LRP5: variants seen among roughly 807,000 people sequenced by gnomAD.
The protein encoded by LRP5 is LDL receptor related protein 5.
A neutral mutation model predicts 154.1 loss-of-function variants in LRP5; 62 were observed. The observed-to-expected ratio is 0.40, with a 90% CI of 0.33 to 0.50. The LOEUF is 0.50. Among genes scored for constraint, LRP5 ranks in the 20% least tolerant of loss-of-function variants. LRP5 has a pLI of 0.55. For synonymous variants in LRP5, 966 were observed against 1,011.5 expected, an observed-to-expected ratio of 0.96 and a Z score of 0.85; for missense variants, 1,915 against 2,336.7, an observed-to-expected ratio of 0.82 and a Z score of 3.72.
intron 7 of LRP5, among the ~76,000 whole-genome samples, chr11:68,392,945 G>C (rs976093553): frequency 6.6e-6 from 1 of 152,064 alleles, no homozygotes; most frequent in Non-Finnish European, 1.5e-5. Flanking sequence ...GGCCAGCCTA[G>C]CAAGACCCCA....
chr11:68,366,032 C>T (rs1429458055), intron 5 of LRP5, among the ~76,000 whole-genome samples: 9 of 151,800 alleles, frequency 5.9e-5, no homozygotes, highest in Non-Finnish European at 7.4e-5. Flanking sequence ...TCTGGGGCAC[C>T]GGCTGAGGAT....
At chr11:68,389,135 CCAA>C (rs376128041) in intron 6 of LRP5, among the ~76,000 whole-genome samples, 8 of 1,470 alleles carry the variant, frequency 5.4e-3, no homozygotes, top group Non-Finnish European at 0.012. Context: ...TTTACCGACA[CCAA>C]CATTTACCAA....
At chr11:68,431,968 T>C (rs2098672183) in intron 17 of LRP5, among the ~76,000 whole-genome samples, 1 of 152,312 alleles carries the variant, frequency 6.6e-6, no homozygotes, top group South Asian at 2.1e-4. Flanking sequence ...GTCATTCTCT[T>C]GTGGCCTCTT....
chr11:68,397,941 CT>C (rs1400957966), intron 7 of LRP5, among the ~76,000 whole-genome samples: 7 of 142,684 alleles, frequency 4.9e-5, no homozygotes, highest in Admixed American at 4.9e-4. Context: ...GGCTATATCC[CT>C]GGGCTTTGGC....
chr11:68,331,201 G>A (rs1263200265), intron 1 of LRP5, among the ~76,000 whole-genome samples: 4 of 152,312 alleles, frequency 2.6e-5, no homozygotes, highest in African/African-American at 9.6e-5. Flanking sequence ...GGGTGAGTCC[G>A]GGTAAGTGGA....
At chr11:68,438,417 G>A (rs2098676212) in intron 19 of LRP5, 29 bp from the exon 20 acceptor site, 1 of 1,598,778 alleles carries the variant, frequency 6.3e-7, no homozygotes. Flanking sequence ...GGTTAATGTT[G>A]GCCACCTCTT....
At chr11:68,324,075 G>A (rs1384680453) in intron 1 of LRP5, among the ~76,000 whole-genome samples, 1 of 152,242 alleles carries the variant, frequency 6.6e-6, no homozygotes, top group Admixed American at 6.5e-5. Flanking sequence ...GTGGGCTTGT[G>A]GTGGCTTTGG....
the LRP5 span, among the ~76,000 whole-genome samples, chr11:68,304,187 C>CTG: frequency 9.7e-4 from 147 of 152,230 alleles, no homozygotes; most frequent in Middle Eastern, 3.2e-3. Context: ...CAGGGCCCTG[C>CTG]TGCTCTGCAC....
intron 21 of LRP5, among the ~76,000 whole-genome samples, chr11:68,444,050 G>T (rs940681901): frequency 6.6e-6 from 1 of 152,106 alleles, no homozygotes; most frequent in African/African-American, 2.4e-5. Context: ...AGCAAGGTGG[G>T]CATCCAGCTT....
At chr11:68,435,715 C>T (rs1000532337) in intron 18 of LRP5, among the ~76,000 whole-genome samples, 13 of 152,194 alleles carry the variant, frequency 8.5e-5, no homozygotes, top group African/African-American at 2.9e-4. Context: ...CATGCCATGC[C>T]ATGCCATGCT....
At chr11:68,430,045 C>T (rs1043925963) in intron 17 of LRP5, among the ~76,000 whole-genome samples, 3 of 152,322 alleles carry the variant, frequency 2.0e-5, no homozygotes, top group African/African-American at 7.2e-5. Context: ...AGCTGTCTCT[C>T]TGCAACTGAT....
intron 2 of LRP5, among the ~76,000 whole-genome samples, chr11:68,354,481 T>C (rs1432395257): frequency 6.6e-6 from 1 of 152,212 alleles, no homozygotes; most frequent in Non-Finnish European, 1.5e-5. Context: ...AAGTCCAGAC[T>C]GATGCCCCTG....
At chr11:68,352,106 T>A (rs1225419463) in intron 2 of LRP5, among the ~76,000 whole-genome samples, 2 of 151,790 alleles carry the variant, frequency 1.3e-5, no homozygotes, top group African/African-American at 4.8e-5. Context: ...GAGTGAGCTG[T>A]GGGGTGGGTG....
At position 68,423,648 on chromosome 11, in the gene LRP5, C is replaced by A. The variant is rs753926639; in HGVS notation, c.3187C>A (p.Arg1063Ser). The stretch of plus-strand genomic sequence containing the variant: ...CGGGGAAGCCATGGGGGTGGTGCTG[C>A]GTGGGGACCGCGACAAGCCCAGGGC... ...LSGEAMGVVL[R>S]GDRDKPRAIV... The change falls in exon 14 of 23, where the codon CGT becomes AGT. Residue 1063 changes from arginine (R) to serine (S), a missense_variant. Around this residue, in one of 3 missense-constraint regions of LRP5, gnomAD observed 1,094 missense variants for 1,210.1 expected, o/e 0.90. Transcript: ENST00000294304. The surrounding 1 kb of genome is among the most constrained non-coding windows in gnomAD (Gnocchi z 4.7). 1 of 1,613,828 alleles carries A rather than the reference C, an allele frequency of 6.2e-7. No homozygotes were observed. The highest frequency in any genetic ancestry group is 1.3e-5 in the African/African-American group (1 of 74,936).
At position 68,386,251 on chromosome 11, in the gene LRP5, C is replaced by T; in HGVS notation, c.1016-65C>T. ...GAGTATTTCCCTTGCCCGGCCCACC[C>T]CAGGCCTAGACTTGTGCCTGCTGCA... is the stretch of plus-strand genomic sequence containing the variant. On this transcript the variant is annotated intron_variant, in intron 5 of 22. Transcript: ENST00000294304. This position sits in a 1 kb window ranked among gnomAD's most constrained non-coding sequence, Gnocchi z 7.9. 6.3e-7 allele frequency: 1 copy of T among 1,596,356 alleles called. No individual in the cohort carries two copies. The highest frequency in any genetic ancestry group is 1.1e-5 in the South Asian group (1 of 90,828).
chr11:68,316,814 A>G (rs2098593673), intron 1 of LRP5, among the ~76,000 whole-genome samples: 1 of 152,226 alleles, frequency 6.6e-6, no homozygotes, highest in African/African-American at 2.4e-5. Flanking sequence ...CAGTGCTGGC[A>G]TCTCAGAGGA....
chr11:68,401,002 G>T (rs2098652321), intron 7 of LRP5, among the ~76,000 whole-genome samples: 1 of 152,188 alleles, frequency 6.6e-6, no homozygotes, highest in African/African-American at 2.4e-5. Flanking sequence ...TGTGTTCTGT[G>T]CCGATGTCCC....
chr11:68,313,753 C>A (rs1311212479), intron 1 of LRP5, among the ~76,000 whole-genome samples: 4 of 152,266 alleles, frequency 2.6e-5, no homozygotes, highest in Admixed American at 2.6e-4. Flanking sequence ...AGTGCCTGTG[C>A]ACGCCGCGGC....
At chr11:68,357,512 A>T (rs2098624068) in intron 2 of LRP5, 138 bp from the exon 3 acceptor site, 2 of 803,168 alleles carry the variant, frequency 2.5e-6, no homozygotes, top group Admixed American at 2.0e-5. Flanking sequence ...AATACCTGAA[A>T]CCATACCTGT....
Sources: allele counts gnomAD v4.1 joint callset (sites outside exome capture counted in the v4.1 genomes callset), GRCh38; gene constraint gnomAD v4.1.1; regional missense constraint gnomAD v4.1.1; non-coding constraint Gnocchi (gnomAD v3.1); transcripts MANE v1.5; gene names NCBI Gene and HGNC (gene_info 2026-07-23, HGNC 2026-07-21).